The following PPARD variants were observed in gnomAD, a reference collection of about 807,000 sequenced individuals.
PPARD encodes peroxisome proliferator activated receptor delta.
In PPARD, 6 loss-of-function variants were observed where a neutral mutation model predicts 39.5. The observed-to-expected ratio is 0.15, with a 90% CI of 0.08 to 0.30. PPARD has a LOEUF of 0.30. Ranked by LOEUF, PPARD falls within the 10% of genes least tolerant of loss-of-function variation. The pLI, the probability that PPARD is intolerant of heterozygous loss-of-function variation, is 1.00. For synonymous variants in PPARD, 210 were observed against 231.3 expected (o/e 0.91, Z 0.83); for missense variants, 397 against 596.8 (o/e 0.67, Z 3.49).
intron 2 of PPARD, among the ~76,000 whole-genome samples, chr6:35,379,854 T>C (rs1397925422): frequency 6.6e-6 from 1 of 152,256 alleles, no homozygotes; most frequent in Non-Finnish European, 1.5e-5. Flanking sequence ...TTATGAACTT[T>C]TCCTTTCTTC....
chr6:35,387,832 C>G (rs901447863), intron 2 of PPARD, among the ~76,000 whole-genome samples: 1 of 150,448 alleles, frequency 6.6e-6, no homozygotes, highest in African/African-American at 2.5e-5. Context: ...AGCGATTCTC[C>G]TGCCTCAGCC....
At chr6:35,353,914 T>C (rs1761405743) in intron 2 of PPARD, among the ~76,000 whole-genome samples, 1 of 152,174 alleles carries the variant, frequency 6.6e-6, no homozygotes, top group Admixed American at 6.6e-5. Context: ...CCCCAACTTA[T>C]GATGGTTCAA....
chr6:35,353,913 A>T (rs1412067388), intron 2 of PPARD, among the ~76,000 whole-genome samples: 4 of 152,158 alleles, frequency 2.6e-5, no homozygotes, highest in South Asian at 2.1e-4. Context: ...TCCCCAACTT[A>T]TGATGGTTCA....
rs1405260437 is a variant in PPARD at position 35,424,499 on chromosome 6, C to T, written c.798C>T (p.Ser266=). 6.2e-7 allele frequency: 1 copy of T among 1,614,230 alleles called. No individual in the cohort carries two copies. Among genetic ancestry groups the T allele is most frequent in the Non-Finnish European group, 8.5e-7 (1 of 1,180,038 alleles). ...TVRELTEFAK[S]IPSFSSLFLN... ...GGGAGCTCACTGAGTTCGCCAAGAG[C>T]ATCCCCAGCTTCAGCAGCCTCTTCC... is the stretch of plus-strand genomic sequence containing the variant. The change falls in exon 7 of 8, where the codon AGC becomes AGT. Residue 266 remains serine, a synonymous_variant. Transcript: ENST00000360694. The surrounding 1 kb of genome is among the most constrained non-coding windows in gnomAD (Gnocchi z 7.1).
chr6:35,407,583 A>G (rs1765137421), intron 2 of PPARD, among the ~76,000 whole-genome samples: 1 of 152,064 alleles, frequency 6.6e-6, no homozygotes, highest in African/African-American at 2.4e-5. Flanking sequence ...TAATGGGTGC[A>G]GCACACCAGC....
intron 2 of PPARD, among the ~76,000 whole-genome samples, chr6:35,392,110 G>A (rs536455338): frequency 1.3e-5 from 2 of 152,128 alleles, no homozygotes; most frequent in Admixed American, 6.5e-5. Flanking sequence ...CCAATTTGGG[G>A]AACCCTGGCA....
chr6:35,354,656 T>C (rs1761466263), intron 2 of PPARD, among the ~76,000 whole-genome samples: 1 of 152,206 alleles, frequency 6.6e-6, no homozygotes, highest in Non-Finnish European at 1.5e-5. Flanking sequence ...ACATGAGATA[T>C]TCAAAATTGT....
At chr6:35,415,352 A>G (rs1765685110) in intron 3 of PPARD, among the ~76,000 whole-genome samples, 1 of 152,250 alleles carries the variant, frequency 6.6e-6, no homozygotes, top group Middle Eastern at 3.2e-3. Flanking sequence ...GAGCTCTGCC[A>G]GCAAAGTAAA....
intron 3 of PPARD, among the ~76,000 whole-genome samples, chr6:35,416,730 T>A (rs1256623046): frequency 1.3e-5 from 2 of 152,184 alleles, no homozygotes; most frequent in African/African-American, 4.8e-5. Flanking sequence ...AATTCTGCCA[T>A]CACCTTTCTT....
chr6:35,404,951 CTTTGTGTGTGTGTGTGTGTG>C (rs1193687754), intron 2 of PPARD, among the ~76,000 whole-genome samples: 10 of 102,970 alleles, frequency 9.7e-5, no homozygotes, highest in Non-Finnish European at 1.8e-4. Flanking sequence ...GCACTGCAGG[CTTTGTGTGTGTGTGTGTGTG>C]TGTGTGTGTG....
chr6:35,373,709 CCA>C (rs1762625697), intron 2 of PPARD, among the ~76,000 whole-genome samples: 1 of 150,066 alleles, frequency 6.7e-6, no homozygotes, highest in African/African-American at 2.4e-5. Flanking sequence ...CTTGTGTCAT[CCA>C]GGCTGGAGTG....
chr6:35,364,176 A>G (rs1451569476), intron 2 of PPARD, among the ~76,000 whole-genome samples: 2 of 152,040 alleles, frequency 1.3e-5, no homozygotes, highest in Admixed American at 6.6e-5. Flanking sequence ...TGTCTGAACA[A>G]TTTCACTTAG....
intron 2 of PPARD, among the ~76,000 whole-genome samples, chr6:35,377,726 A>G (rs899953638): frequency 6.6e-6 from 1 of 151,944 alleles, no homozygotes; most frequent in East Asian, 1.9e-4. Flanking sequence ...CCTCTGCGCA[A>G]TTGCACTGTT....
chr6:35,351,394 C>T (rs539943834), intron 2 of PPARD, among the ~76,000 whole-genome samples: 9 of 152,214 alleles, frequency 5.9e-5, no homozygotes, highest in South Asian at 4.2e-4. Context: ...TATAATAGGC[C>T]GGGCGGGTGA....
At position 35,417,184 on chromosome 6, in the gene PPARD, G is replaced by A. The variant is rs560835219; in HGVS notation, c.131-2943G>A. Among the ~76,000 whole-genome samples, 280 of 151,680 alleles carry A rather than the reference G, an allele frequency of 1.8e-3. 1 individual carries two copies. Among genetic ancestry groups the A allele is most frequent in the African/African-American group, 6.6e-3 (271 of 41,366 alleles). On this transcript the variant is annotated intron_variant, in intron 3 of 7. Coordinates refer to ENST00000360694, the MANE Select transcript of PPARD (RefSeq NM_006238.5). Reference sequence around the variant, plus strand: ...GCTAGTTTTTAAAATTTTTTATAGAGATAGAGACAGGGTCTCACTATGTTG... The same window carrying A: ...GCTAGTTTTTAAAATTTTTTATAGAAATAGAGACAGGGTCTCACTATGTTG...
chr6:35,420,199 G>A lies in PPARD; in HGVS notation c.203G>A (p.Gly68Asp). The A allele has an allele frequency of 6.2e-7, 1 of 1,612,802 alleles. No homozygotes were observed. Residue 68 changes from glycine to aspartate, a missense_variant, in exon 4 of 8, where the codon GGC (glycine) becomes GAC (aspartate). Transcript: ENST00000360694. ...ATGGGCTGTGACGGGGCCTCATGCGGCAGCCTCAACATGGAGTGCCGGGTG... is the reference window on the plus strand; with the variant it reads ...ATGGGCTGTGACGGGGCCTCATGCGACAGCCTCAACATGGAGTGCCGGGTG... ...LQMGCDGASC[G>D]SLNMECRVCG...
chr6:35,343,542 G>C (rs1307382434), intron 1 of PPARD, among the ~76,000 whole-genome samples: 1 of 152,158 alleles, frequency 6.6e-6, no homozygotes. Flanking sequence ...GGTGGGGGTG[G>C]AGGTGTTCAG....
At chr6:35,370,811 G>GAA (rs1047213525) in intron 2 of PPARD, among the ~76,000 whole-genome samples, 1 of 151,086 alleles carries the variant, frequency 6.6e-6, no homozygotes, top group Non-Finnish European at 1.5e-5. Flanking sequence ...GTTGGGATTG[G>GAA]AAAAAAAAAG....
intron 3 of PPARD, among the ~76,000 whole-genome samples, chr6:35,416,780 A>G (rs1377935275): frequency 6.6e-6 from 1 of 152,194 alleles, no homozygotes; most frequent in Non-Finnish European, 1.5e-5. Flanking sequence ...TGACAGTCAC[A>G]TGCGTGAGTG....
Sources: gnomAD v4.1 joint callset for allele counts (sites outside exome capture counted in the v4.1 genomes callset) on GRCh38, gnomAD v4.1.1 for gene constraint, Gnocchi (gnomAD v3.1) non-coding constraint, MANE v1.5 for transcripts, NCBI Gene and HGNC (gene_info 2026-07-23, HGNC 2026-07-21) for gene names.